The following DLGAP1 variants were observed in gnomAD, a reference collection of about 807,000 sequenced individuals.
DLGAP1 encodes the protein disks large-associated protein 1.
In DLGAP1, 11 loss-of-function variants were observed where a neutral mutation model predicts 90.8. That is an observed-to-expected ratio of 0.12 (90% CI 0.08 to 0.20). The LOEUF is 0.20. Ranked by LOEUF, DLGAP1 falls within the 10% of genes least tolerant of loss-of-function variation. The probability of loss-of-function intolerance (pLI) is 1.00; values close to 1 mark genes in which losing one functional copy is unlikely to be tolerated. For missense variants in DLGAP1, 1,050 were observed against 1,333.8 expected (o/e 0.79, Z 3.31); for synonymous variants, 558 against 540.7 (o/e 1.03, Z -0.44).
chr18:4,181,528 C>T (rs1052805757), intron 1 of DLGAP1, among the ~76,000 whole-genome samples: 21 of 152,286 alleles, frequency 1.4e-4, no homozygotes, highest in Admixed American at 6.5e-4. Flanking sequence ...AGAAGCACTA[C>T]TATCTTGGTT....
At chr18:3,942,950 C>G (rs544723993) in intron 3 of DLGAP1, among the ~76,000 whole-genome samples, 1 of 150,852 alleles carries the variant, frequency 6.6e-6, no homozygotes, top group Admixed American at 6.6e-5. Flanking sequence ...GGATGATAAT[C>G]AGAACCAGCA....
intron 2 of DLGAP1, among the ~76,000 whole-genome samples, chr18:4,132,158 A>C (rs1485335248): frequency 6.6e-6 from 1 of 152,180 alleles, no homozygotes; most frequent in Non-Finnish European, 1.5e-5. Flanking sequence ...GAATTGGTAC[A>C]GCATGTAAAA....
chr18:4,059,915 T>TAC (rs2143266884), intron 2 of DLGAP1, among the ~76,000 whole-genome samples: 1 of 152,182 alleles, frequency 6.6e-6, no homozygotes, highest in South Asian at 2.1e-4. Context: ...GCTTTAGAAG[T>TAC]TGTCCGGCCC....
At chr18:4,043,717 G>A (rs889982010) in intron 2 of DLGAP1, among the ~76,000 whole-genome samples, 1 of 152,184 alleles carries the variant, frequency 6.6e-6, no homozygotes, top group African/African-American at 2.4e-5. Flanking sequence ...CCACAGAAGT[G>A]ATCTGTGTTT....
chr18:4,289,359 A>T (rs1048248058), intron 1 of DLGAP1, among the ~76,000 whole-genome samples: 2 of 152,234 alleles, frequency 1.3e-5, no homozygotes, highest in African/African-American at 4.8e-5. Context: ...TTGTGTGGCC[A>T]GAGATGAGCA....
At chr18:4,149,328 G>T (rs538512675) in intron 2 of DLGAP1, among the ~76,000 whole-genome samples, 1 of 152,012 alleles carries the variant, frequency 6.6e-6, no homozygotes, top group South Asian at 2.1e-4. Flanking sequence ...GAATTCACTC[G>T]GATTCCATGA....
chr18:3,642,927 A>G (rs2058989916), intron 7 of DLGAP1, among the ~76,000 whole-genome samples: 1 of 152,238 alleles, frequency 6.6e-6, no homozygotes, highest in Non-Finnish European at 1.5e-5. Context: ...CTTTCACCCA[A>G]CAATTCAACC....
chr18:4,193,482 C>T (rs1242521179), intron 1 of DLGAP1, among the ~76,000 whole-genome samples: 1 of 152,006 alleles, frequency 6.6e-6, no homozygotes, highest in Non-Finnish European at 1.5e-5. Context: ...AAAACAACAG[C>T]TTTGGGGGAA....
intron 4 of DLGAP1, among the ~76,000 whole-genome samples, chr18:3,876,129 A>G (rs1422621087): frequency 2.0e-5 from 3 of 152,044 alleles, no homozygotes; most frequent in Non-Finnish European, 4.4e-5. Context: ...CCTTGGAGCT[A>G]GCTGGCACGG....
intron 1 of DLGAP1, among the ~76,000 whole-genome samples, chr18:4,156,527 C>T (rs79774916): frequency 3.3e-5 from 5 of 152,246 alleles, no homozygotes; most frequent in Non-Finnish European, 7.4e-5. Flanking sequence ...CTGCAAGACA[C>T]CATATCATAC....
chr18:4,151,596 G>T (rs574689544), intron 1 of DLGAP1, among the ~76,000 whole-genome samples: 1 of 152,124 alleles, frequency 6.6e-6, no homozygotes, highest in Non-Finnish European at 1.5e-5. Flanking sequence ...AAGCATCAAT[G>T]ATCCAATTCT....
intron 5 of DLGAP1, among the ~76,000 whole-genome samples, chr18:3,763,606 A>G (rs774224124): frequency 2.6e-5 from 4 of 151,682 alleles, no homozygotes; most frequent in Non-Finnish European, 4.4e-5. Flanking sequence ...ATGATGTTAA[A>G]TCATCCCAAA....
chr18:3,885,796 T>C (rs928306782), intron 3 of DLGAP1, among the ~76,000 whole-genome samples: 1 of 152,236 alleles, frequency 6.6e-6, no homozygotes, highest in African/African-American at 2.4e-5. Context: ...TTTGCAGCCA[T>C]GAGACAAGCT....
At position 4,242,872 on chromosome 18, in the gene DLGAP1, C is replaced by A. The variant is rs139752852; in HGVS notation, c.-266-91585G>T. On this transcript the variant is annotated intron_variant, in intron 1 of 12. Coordinates refer to ENST00000315677, the MANE Select transcript of DLGAP1 (RefSeq NM_004746.4). ...AATGAGGGCAATTACACATGTAATA[C>A]CCATGATGAGGGCTAGGTCACACAT... Among the ~76,000 whole-genome samples the A allele has an allele frequency of 8.5e-5, 13 of 152,142 alleles. No homozygotes were observed. The East Asian group carries it at 2.5e-3, about 29-fold the overall frequency.
chr18:3,678,572 C>T (rs973736174), intron 7 of DLGAP1, among the ~76,000 whole-genome samples: 2 of 152,258 alleles, frequency 1.3e-5, no homozygotes, highest in Middle Eastern at 3.4e-3. Context: ...GTCCCCATTA[C>T]ATTAAATAAT....
At chr18:4,421,610 A>G (rs1040219845) in intron 1 of DLGAP1, among the ~76,000 whole-genome samples, 4 of 152,192 alleles carry the variant, frequency 2.6e-5, no homozygotes, top group Non-Finnish European at 5.9e-5. Flanking sequence ...TACACGTTTG[A>G]AAAAATTTAA....
intron 3 of DLGAP1, among the ~76,000 whole-genome samples, chr18:3,920,198 C>A (rs2072235616): frequency 6.6e-6 from 1 of 151,908 alleles, no homozygotes; most frequent in Non-Finnish European, 1.5e-5. Flanking sequence ...CAAAAATTAG[C>A]CAGGCGTGGT....
chr18:4,323,591 C>T (rs1286466991), intron 1 of DLGAP1, among the ~76,000 whole-genome samples: 3 of 152,090 alleles, frequency 2.0e-5, no homozygotes, highest in Non-Finnish European at 4.4e-5. Flanking sequence ...ATGGCACATA[C>T]TCTGAAATCA....
intron 1 of DLGAP1, among the ~76,000 whole-genome samples, chr18:4,440,584 T>C (rs2144823370): frequency 6.6e-6 from 1 of 152,214 alleles, no homozygotes; most frequent in South Asian, 2.1e-4. Flanking sequence ...GTCAAGAACA[T>C]AAGGTAATTC....
Sources: allele counts gnomAD v4.1 joint callset (sites outside exome capture counted in the v4.1 genomes callset), GRCh38; gene constraint gnomAD v4.1.1; transcripts MANE v1.5; gene names NCBI Gene and HGNC (gene_info 2026-07-23, HGNC 2026-07-21).